Variants in HTRA1 observed in about 807,000 individuals in gnomAD.
The protein encoded by HTRA1 is serine protease HTRA1.
A neutral mutation model predicts 49.7 loss-of-function variants in HTRA1; 26 were observed. The ratio of observed to expected loss-of-function variants is 0.52; its 90% CI spans 0.38 to 0.73. The LOEUF is 0.73. Among genes scored for constraint, HTRA1 ranks in the 30% least tolerant of loss-of-function variants. The pLI is 0.00. For synonymous variants in HTRA1, 291 were observed against 286.9 expected (o/e 1.01, Z -0.14); for missense variants, 561 against 667.2 (o/e 0.84, Z 1.75).
At chr10:122,507,325 T>C (rs370410950) in intron 4 of HTRA1, 45 bp from the exon 5 acceptor site, 59 of 1,561,130 alleles carry the variant, frequency 3.8e-5, no homozygotes, top group Middle Eastern at 1.7e-4. Flanking sequence ...GATTGAACCA[T>C]GTTATGACAC....
Position 122,506,622 on chromosome 10 carries a change from T to C in HTRA1, c.778-69T>C, listed in dbSNP as rs762102446. 4.2e-5 allele frequency: 58 copies of C among 1,394,864 alleles called. No individual in the cohort carries two copies. The highest frequency in any genetic ancestry group is 5.3e-5 in the Non-Finnish European group (53 of 992,056). 86.4% of individuals were successfully genotyped at this position (1,394,864 alleles called of 1,614,324 possible). ...GTCACTGTCCCTGCTTGGTTTTCCA[T>C]GATATCTGTGCCTTTACCTATTTGG... On this transcript the variant is annotated intron_variant, in intron 3 of 8. Coordinates refer to ENST00000368984, the MANE Select transcript of HTRA1 (RefSeq NM_002775.5). The surrounding 1 kb of genome is among the most constrained non-coding windows in gnomAD (Gnocchi z 5.2).
At chr10:122,468,179 G>C (rs576256024) in intron 1 of HTRA1, among the ~76,000 whole-genome samples, 5 of 152,166 alleles carry the variant, frequency 3.3e-5, no homozygotes, top group African/African-American at 1.2e-4. Flanking sequence ...CAGCTTAAGG[G>C]CTGGGCTTCT....
At position 122,508,605 on chromosome 10, in the gene HTRA1, C is replaced by G. The variant is rs1379950138; in HGVS notation, c.1006-51C>G. 3 of 1,173,280 alleles carry G rather than the reference C, an allele frequency of 2.6e-6. No homozygotes were observed. The Admixed American group carries it at 5.0e-5, about 20-fold the overall frequency. The allele number at this position is 1,173,280 out of a possible 1,614,324, so 72.7% of individuals were successfully genotyped here. A position where few individuals can be genotyped will look rare whatever the true frequency, so the allele number is the denominator to read the frequency against. On this transcript the variant is annotated intron_variant, in intron 5 of 8. Transcript: ENST00000368984. ...AGGCATATTCTCTCTGGGTGTGTACCTGCCGGTAAAGCTTCACGATTCAGT... is the reference window on the plus strand; with the variant it reads ...AGGCATATTCTCTCTGGGTGTGTACGTGCCGGTAAAGCTTCACGATTCAGT...
At chr10:122,496,792 C>A (rs917804486) in intron 3 of HTRA1, among the ~76,000 whole-genome samples, 2 of 152,112 alleles carry the variant, frequency 1.3e-5, no homozygotes, top group East Asian at 1.9e-4. Flanking sequence ...GCCTGCAGAT[C>A]CTGGATCTTG....
intron 1 of HTRA1, among the ~76,000 whole-genome samples, chr10:122,483,637 A>G (rs1565418655): frequency 6.6e-6 from 1 of 152,206 alleles, no homozygotes; most frequent in Non-Finnish European, 1.5e-5. Flanking sequence ...ATTTTCACTG[A>G]GAGTATGCTT....
At position 122,506,953 on chromosome 10, in the gene HTRA1, AG is replaced by A; in HGVS notation, c.972+70del. Reference sequence around the variant, plus strand: ...TTGCCAGGGGGAGAGGAGTCAGCATAGGTCTTAGCCCCTGACTTTGTTGTAG... The same window carrying A: ...TTGCCAGGGGGAGAGGAGTCAGCATAGTCTTAGCCCCTGACTTTGTTGTAG... On this transcript the variant is annotated intron_variant, in intron 4 of 8. Coordinates refer to ENST00000368984, the MANE Select transcript of HTRA1 (RefSeq NM_002775.5). This position sits in a 1 kb window ranked among gnomAD's most constrained non-coding sequence, Gnocchi z 5.2. 13 of 1,384,092 alleles carry A rather than the reference AG, an allele frequency of 9.4e-6. No individual in the cohort carries two copies. The highest frequency in any genetic ancestry group is 1.8e-5 in the Admixed American group (1 of 57,050). The allele number at this position is 1,384,092 out of a possible 1,614,324, so 85.7% of individuals were successfully genotyped here.
Position 122,508,791 on chromosome 10 carries a change from C to T in HTRA1, c.1120+21C>T, listed in dbSNP as rs1185667730. On this transcript the variant is annotated intron_variant, in intron 6 of 8. Coordinates refer to ENST00000368984, the MANE Select transcript of HTRA1 (RefSeq NM_002775.5). Reference sequence around the variant, plus strand: ...CAAAGGTAGGCAAGGCCCACACAGCCCTGGGGACTCCGGAGATGGGGCCTG... The same window carrying T: ...CAAAGGTAGGCAAGGCCCACACAGCTCTGGGGACTCCGGAGATGGGGCCTG... 2.1e-6 allele frequency: 3 copies of T among 1,410,210 alleles called. No homozygotes were observed. In the African/African-American group the frequency reaches 4.2e-5, roughly 20 times the overall value. The allele number at this position is 1,410,210 out of a possible 1,614,324, so 87.4% of individuals were successfully genotyped here.
chr10:122,480,438 G>T (rs979572319), intron 1 of HTRA1, among the ~76,000 whole-genome samples: 1 of 152,206 alleles, frequency 6.6e-6, no homozygotes, highest in African/African-American at 2.4e-5. Context: ...GAAGGGGGTT[G>T]GCACACCTGG....
In HTRA1 at chr10:122,489,542, G is replaced by A. The variant is rs1239364563; in HGVS notation, c.693G>A (p.Glu231=). The change falls in exon 3 of 9, where the codon GAG becomes GAA. Residue 231 remains glutamate (E), a synonymous_variant. Coordinates refer to ENST00000368984, the MANE Select transcript of HTRA1 (RefSeq NM_002775.5). Reference sequence around the variant, plus strand: ...CCAACAAGCACCGGGTCAAAGTTGAGCTGAAGAACGGTGCCACTTACGAAG... The same window carrying A: ...CCAACAAGCACCGGGTCAAAGTTGAACTGAAGAACGGTGCCACTTACGAAG... ...VVTNKHRVKV[E]LKNGATYEAK... The A allele has an allele frequency of 6.2e-7, 1 of 1,614,102 alleles. No homozygotes were observed. Among genetic ancestry groups the A allele is most frequent in the Non-Finnish European group, 8.5e-7 (1 of 1,180,048 alleles).
At chr10:122,502,971 C>T (rs567779544) in intron 3 of HTRA1, among the ~76,000 whole-genome samples, 138 of 152,358 alleles carry the variant, frequency 9.1e-4, no homozygotes, top group Middle Eastern at 6.8e-3. Flanking sequence ...TTTCATCCGT[C>T]AGTGGGGGAC....
At chr10:122,473,679 C>G (rs1273476051) in intron 1 of HTRA1, among the ~76,000 whole-genome samples, 1 of 152,196 alleles carries the variant, frequency 6.6e-6, no homozygotes, top group East Asian at 1.9e-4. Flanking sequence ...TCACTACCAG[C>G]TCCAGGACAC....
chr10:122,510,063 T>C, intron 6 of HTRA1, 33 bp from the exon 7 acceptor site: 1 of 1,603,228 alleles, frequency 6.2e-7, no homozygotes. Flanking sequence ...CCAACTGGGC[T>C]GACCTTCTGC....
At chr10:122,501,693 T>C (rs1204154269) in intron 3 of HTRA1, among the ~76,000 whole-genome samples, 1 of 152,180 alleles carries the variant, frequency 6.6e-6, no homozygotes, top group East Asian at 1.9e-4. Flanking sequence ...ATACTGCCGA[T>C]GACCTACGAG....
At chr10:122,462,385 G>A (rs1396632797) in intron 1 of HTRA1, among the ~76,000 whole-genome samples, 1 of 152,260 alleles carries the variant, frequency 6.6e-6, no homozygotes, top group African/African-American at 2.4e-5. Flanking sequence ...CGAGACGCCG[G>A]GCGACCGGCC....
Position 122,506,622 on chromosome 10 carries a change from T to G in HTRA1, c.778-69T>G. ...GTCACTGTCCCTGCTTGGTTTTCCA[T>G]GATATCTGTGCCTTTACCTATTTGG... On this transcript the variant is annotated intron_variant, in intron 3 of 8. Coordinates refer to ENST00000368984, the MANE Select transcript of HTRA1 (RefSeq NM_002775.5). This position sits in a 1 kb window ranked among gnomAD's most constrained non-coding sequence, Gnocchi z 5.2. 57 of 1,394,956 alleles carry G rather than the reference T, an allele frequency of 4.1e-5. No individual in the cohort carries two copies. Among genetic ancestry groups the G allele is most frequent in the Non-Finnish European group, 5.0e-5 (50 of 992,024 alleles). The allele number at this position is 1,394,956 out of a possible 1,614,324, so 86.4% of individuals were successfully genotyped here. A position where few individuals can be genotyped will look rare whatever the true frequency, so the allele number is the denominator to read the frequency against.
chr10:122,468,329 C>A (rs1262652900), intron 1 of HTRA1, among the ~76,000 whole-genome samples: 5 of 152,090 alleles, frequency 3.3e-5, no homozygotes, highest in Non-Finnish European at 7.4e-5. Context: ...ATGGAAGGAC[C>A]TCCTTATATG....
intron 1 of HTRA1, among the ~76,000 whole-genome samples, chr10:122,481,354 C>A (rs1156696244): frequency 1.3e-5 from 2 of 152,162 alleles, no homozygotes; most frequent in African/African-American, 4.8e-5. Context: ...TTCCCTTAGC[C>A]TCTTCCCCCA....
chr10:122,511,949 G>C (rs772558244), intron 7 of HTRA1, 21 bp from the exon 8 acceptor site: 1 of 1,597,364 alleles, frequency 6.3e-7, no homozygotes, highest in South Asian at 1.1e-5. Context: ...CACTAACACG[G>C]GTGCTTTTTC....
chr10:122,514,691 A>G lies in HTRA1; in HGVS notation c.*332A>G, dbSNP rs533774916. On this transcript the variant is annotated 3_prime_UTR_variant, in exon 9 of 9. Coordinates refer to ENST00000368984, the MANE Select transcript of HTRA1 (RefSeq NM_002775.5). The stretch of plus-strand genomic sequence containing the variant: ...TCTTAGTCCAACTAATGCAGTCGAT[A>G]CAATGCGTAGATAGAAGAAGCCCCA... 58 of 363,366 alleles carry G rather than the reference A, an allele frequency of 1.6e-4. No individual in the cohort carries two copies. The highest frequency in any genetic ancestry group is 1.1e-3 in the African/African-American group (54 of 47,438). 22.5% of individuals were successfully genotyped at this position (363,366 alleles called of 1,614,324 possible). A position where few individuals can be genotyped will look rare whatever the true frequency, so the allele number is the denominator to read the frequency against.
Sources: gnomAD v4.1 joint callset for allele counts (sites outside exome capture counted in the v4.1 genomes callset) on GRCh38, gnomAD v4.1.1 for gene constraint, Gnocchi (gnomAD v3.1) non-coding constraint, MANE v1.5 for transcripts, NCBI Gene and HGNC (gene_info 2026-07-23, HGNC 2026-07-21) for gene names.